MYRIP: variants seen among roughly 807,000 people sequenced by gnomAD.
The protein encoded by MYRIP is myosin VIIA and Rab interacting protein, also known as rab effector MyRIP.
In MYRIP, 49 loss-of-function variants were observed where a neutral mutation model predicts 98.0. The observed-to-expected ratio is 0.50, with a 90% CI of 0.40 to 0.63. The LOEUF is 0.63. Among genes scored for constraint, MYRIP ranks in the 30% least tolerant of loss-of-function variants. MYRIP has a pLI of 0.00. For missense variants in MYRIP, 1,004 were observed against 1,058.2 expected (o/e 0.95, Z 0.71); for synonymous variants, 404 against 409.5 (o/e 0.99, Z 0.16).
chr3:39,820,976 A>G (rs1941084546), intron 1 of MYRIP, among the ~76,000 whole-genome samples: 4 of 152,088 alleles, frequency 2.6e-5, no homozygotes, highest in African/African-American at 9.7e-5. Context: ...GCTGCTGCTG[A>G]TGGTGGATGG....
chr3:39,932,648 A>T (rs1033367701), intron 2 of MYRIP, among the ~76,000 whole-genome samples: 1 of 152,132 alleles, frequency 6.6e-6, no homozygotes, highest in Non-Finnish European at 1.5e-5. Context: ...GCCTCCCAAC[A>T]CAAGATGAGT....
chr3:40,135,927 A>T lies in MYRIP; in HGVS notation c.333-15121A>T, dbSNP rs144238251. 4.7e-3 allele frequency among the ~76,000 whole-genome samples: 711 copies of T among 152,340 alleles called. 6 individuals carry two copies. Among genetic ancestry groups the T allele is most frequent in the African/African-American group, 0.016 (659 of 41,568 alleles). On this transcript the variant is annotated intron_variant, in intron 3 of 16. Transcript: ENST00000302541. ...ACAACCGATACCAACCACTGCAAAA[A>T]CATGCCAAATTGTAAAGAACATCAA...
chr3:39,877,415 G>A (rs913842186), intron 1 of MYRIP, among the ~76,000 whole-genome samples: 11 of 152,102 alleles, frequency 7.2e-5, no homozygotes, highest in East Asian at 3.9e-4. Context: ...GAGGAGAGGC[G>A]CTCTGCTTTT....
intron 2 of MYRIP, among the ~76,000 whole-genome samples, chr3:39,962,464 TTTTC>T (rs869060019): frequency 8.0e-5 from 9 of 112,620 alleles, no homozygotes; most frequent in African/African-American, 2.5e-4. Context: ...TTTTTTTTTT[TTTTC>T]CACTTGTTCA....
chr3:40,253,292 C>T (rs1348067042), intron 16 of MYRIP, among the ~76,000 whole-genome samples: 2 of 152,158 alleles, frequency 1.3e-5, no homozygotes, highest in African/African-American at 2.4e-5. Context: ...GACATATGTT[C>T]AACAGCCGCG....
chr3:40,003,488 G>A (rs1391523413), intron 2 of MYRIP, among the ~76,000 whole-genome samples: 1 of 152,170 alleles, frequency 6.6e-6, no homozygotes, highest in African/African-American at 2.4e-5. Context: ...ACCAGAGCTG[G>A]GAAATTGGCC....
At chr3:39,902,963 A>T (rs923546999) in intron 2 of MYRIP, among the ~76,000 whole-genome samples, 4 of 152,218 alleles carry the variant, frequency 2.6e-5, no homozygotes, top group African/African-American at 9.6e-5. Flanking sequence ...GAACCTGCTT[A>T]TAATGGAGAA....
At chr3:40,060,595 T>TGAGAGAGAGAG (rs572789849) in intron 3 of MYRIP, among the ~76,000 whole-genome samples, 1 of 80,138 alleles carries the variant, frequency 1.2e-5, no homozygotes, top group African/African-American at 4.3e-5. Context: ...TTTTCTTTTT[T>TGAGAGAGAGAG]TGAGAGAGAG....
At chr3:40,254,444 T>TG (rs1444056915) in intron 16 of MYRIP, among the ~76,000 whole-genome samples, 2 of 90,146 alleles carry the variant, frequency 2.2e-5, no homozygotes, top group Non-Finnish European at 4.0e-5. Flanking sequence ...ATAGAAAGAG[T>TG]GGGGCAGGAG....
At chr3:40,106,939 A>G (rs542157027) in intron 3 of MYRIP, among the ~76,000 whole-genome samples, 1 of 152,080 alleles carries the variant, frequency 6.6e-6, no homozygotes, top group Non-Finnish European at 1.5e-5. Context: ...CTCTTTATCA[A>G]CAGCATATAA....
chr3:40,211,192 A>G (rs1951918139), intron 11 of MYRIP, among the ~76,000 whole-genome samples: 1 of 152,156 alleles, frequency 6.6e-6, no homozygotes, highest in African/African-American at 2.4e-5. Context: ...TTCCTTTACA[A>G]TGAGCCAGAG....
intron 1 of MYRIP, among the ~76,000 whole-genome samples, chr3:39,897,954 A>G (rs1943654564): frequency 1.3e-5 from 2 of 152,102 alleles, no homozygotes; most frequent in South Asian, 2.1e-4. Flanking sequence ...AGTCAAAGGA[A>G]CAGAAATGTC....
intron 2 of MYRIP, among the ~76,000 whole-genome samples, chr3:39,902,927 A>G (rs1343896561): frequency 6.6e-6 from 1 of 152,226 alleles, no homozygotes; most frequent in Non-Finnish European, 1.5e-5. Context: ...AGCCTACTGC[A>G]ATTCTGTGAA....
intron 1 of MYRIP, among the ~76,000 whole-genome samples, chr3:39,848,622 C>T (rs1365238157): frequency 6.6e-6 from 1 of 152,140 alleles, no homozygotes; most frequent in Non-Finnish European, 1.5e-5. Flanking sequence ...CTTAAGAGCT[C>T]TCATGAGCAT....
intron 3 of MYRIP, among the ~76,000 whole-genome samples, chr3:40,147,579 A>G (rs1950035719): frequency 6.6e-6 from 1 of 152,230 alleles, no homozygotes; most frequent in Non-Finnish European, 1.5e-5. Flanking sequence ...ATTCTTGGCT[A>G]TAACACTTGG....
rs535805529 is a variant in MYRIP at position 40,125,983 on chromosome 3, G to A, written c.333-25065G>A. ...ATTCTCAGCCTCTCTTGACTTTTCA[G>A]AACTGATTGCTCTGACTCTGTGCTC... On this transcript the variant is annotated intron_variant, in intron 3 of 16. Coordinates refer to ENST00000302541, the MANE Select transcript of MYRIP (RefSeq NM_015460.4). Among the ~76,000 whole-genome samples the A allele has an allele frequency of 6.1e-4, 93 of 152,282 alleles. No homozygotes were observed. The South Asian group carries it at 0.012, about 20-fold the overall frequency.
At chr3:39,843,514 C>G (rs1266266339) in intron 1 of MYRIP, among the ~76,000 whole-genome samples, 1 of 152,126 alleles carries the variant, frequency 6.6e-6, no homozygotes, top group African/African-American at 2.4e-5. Flanking sequence ...ACTGGTGGAA[C>G]CAAAATTATC....
intron 3 of MYRIP, among the ~76,000 whole-genome samples, chr3:40,129,245 T>C: frequency 6.6e-6 from 1 of 151,444 alleles, no homozygotes; most frequent in Admixed American, 6.6e-5. Context: ...AAGACTAGCC[T>C]GGCCAACATG....
At chr3:39,815,453 A>T (rs1940871822) in intron 1 of MYRIP, among the ~76,000 whole-genome samples, 1 of 152,152 alleles carries the variant, frequency 6.6e-6, no homozygotes, top group Non-Finnish European at 1.5e-5. Context: ...ATCACATCTT[A>T]GTATCCCTTC....
Sources: allele counts gnomAD v4.1 joint callset (sites outside exome capture counted in the v4.1 genomes callset), GRCh38; gene constraint gnomAD v4.1.1; transcripts MANE v1.5; gene names NCBI Gene and HGNC (gene_info 2026-07-23, HGNC 2026-07-21).